EFNA5: variants seen among roughly 807,000 people sequenced by gnomAD.
The protein encoded by EFNA5 is ephrin-A5.
A neutral mutation model predicts 22.9 loss-of-function variants in EFNA5; 5 were observed. The observed-to-expected ratio is 0.22, with a 90% CI of 0.11 to 0.46. The LOEUF is 0.46. Among genes scored for constraint, EFNA5 ranks in the 20% least tolerant of loss-of-function variants. EFNA5 has a pLI of 0.99. For missense variants in EFNA5, 237 were observed against 293.3 expected, an observed-to-expected ratio of 0.81 and a Z score of 1.40; for synonymous variants, 113 against 112.2, an observed-to-expected ratio of 1.01 and a Z score of -0.04.
intron 1 of EFNA5, among the ~76,000 whole-genome samples, chr5:107,435,254 T>C (rs1226168344): frequency 6.6e-6 from 1 of 151,938 alleles, no homozygotes; most frequent in Admixed American, 6.6e-5. Flanking sequence ...CATCCTTCTG[T>C]TATTCCTTTC....
intron 1 of EFNA5, among the ~76,000 whole-genome samples, chr5:107,517,722 T>C (rs556349648): frequency 5.9e-5 from 9 of 152,328 alleles, no homozygotes; most frequent in Non-Finnish European, 1.2e-4. Flanking sequence ...GCAATGTATG[T>C]GATAATGTGT....
Position 107,670,655 on chromosome 5 carries a change from G to A in EFNA5, c.-42C>T, listed in dbSNP as rs1331628866. On this transcript the variant is annotated 5_prime_UTR_variant, in exon 1 of 5. Transcript: ENST00000333274. Reference sequence around the variant, plus strand: ...CGGAGCCCCCGACGCGCCACTCCGGGGAGAGAGCGGGGATCCGGAGGGAGG... The same window carrying A: ...CGGAGCCCCCGACGCGCCACTCCGGAGAGAGAGCGGGGATCCGGAGGGAGG... The A allele has an allele frequency of 6.3e-7, 1 of 1,585,986 alleles. No individual in the cohort carries two copies. The highest frequency in any genetic ancestry group is 2.3e-5 in the East Asian group (1 of 42,780).
At chr5:107,463,396 C>T (rs1480021571) in intron 1 of EFNA5, among the ~76,000 whole-genome samples, 1 of 151,892 alleles carries the variant, frequency 6.6e-6, no homozygotes, top group Admixed American at 6.6e-5. Context: ...TTCTGATTTT[C>T]CTCAATAATA....
chr5:107,384,510 C>A (rs1747558681), intron 4 of EFNA5, among the ~76,000 whole-genome samples: 1 of 152,162 alleles, frequency 6.6e-6, no homozygotes, highest in African/African-American at 2.4e-5. Context: ...TTCAGACTTG[C>A]TGGGTTCATA....
At chr5:107,455,109 C>T (rs1749662423) in intron 1 of EFNA5, among the ~76,000 whole-genome samples, 1 of 152,178 alleles carries the variant, frequency 6.6e-6, no homozygotes, top group Non-Finnish European at 1.5e-5. Flanking sequence ...GATGTCAAAA[C>T]CTAACGTCTT....
intron 2 of EFNA5, among the ~76,000 whole-genome samples, chr5:107,402,860 C>T (rs1317812874): frequency 1.3e-5 from 2 of 152,188 alleles, no homozygotes; most frequent in Non-Finnish European, 2.9e-5. Flanking sequence ...GAAGTCGTAA[C>T]CTTTGTGGGA....
At chr5:107,546,651 A>AACAC (rs767896375) in intron 1 of EFNA5, among the ~76,000 whole-genome samples, 5,380 of 121,230 alleles carry the variant, frequency 0.044, 117 homozygotes, top group Middle Eastern at 0.12. Context: ...TGGTGCGTAA[A>AACAC]ACACACACAC....
chr5:107,669,996 C>A (rs1751153531), intron 1 of EFNA5, among the ~76,000 whole-genome samples: 1 of 147,956 alleles, frequency 6.8e-6, no homozygotes, highest in Non-Finnish European at 1.5e-5. Flanking sequence ...GCTCTCTCTG[C>A]GCGCACCGGG....
intron 1 of EFNA5, among the ~76,000 whole-genome samples, chr5:107,491,306 C>G (rs138652609): frequency 1.4e-3 from 218 of 152,262 alleles, no homozygotes; most frequent in Middle Eastern, 0.01. Flanking sequence ...GACGGCCCCT[C>G]CCTCCCTCCT....
chr5:107,443,749 T>C (rs567307660), intron 1 of EFNA5, among the ~76,000 whole-genome samples: 2 of 152,226 alleles, frequency 1.3e-5, no homozygotes, highest in Admixed American at 6.5e-5. Context: ...TTAGGAAAAG[T>C]ACCTAATGCA....
At chr5:107,460,508 T>C (rs1217078775) in intron 1 of EFNA5, among the ~76,000 whole-genome samples, 2 of 152,208 alleles carry the variant, frequency 1.3e-5, no homozygotes. Context: ...CATATCAGTG[T>C]AGCTGATTTA....
chr5:107,602,527 G>A (rs577336436), intron 1 of EFNA5, among the ~76,000 whole-genome samples: 1 of 152,258 alleles, frequency 6.6e-6, no homozygotes, highest in South Asian at 2.1e-4. Flanking sequence ...CAAAACAAAC[G>A]AACATTCAAG....
chr5:107,441,421 A>G (rs1749254628), intron 1 of EFNA5, among the ~76,000 whole-genome samples: 1 of 152,200 alleles, frequency 6.6e-6, no homozygotes, highest in African/African-American at 2.4e-5. Context: ...ATAGCGTCCT[A>G]TCTGCAGAAA....
At chr5:107,577,272 G>A (rs1029865651) in intron 1 of EFNA5, among the ~76,000 whole-genome samples, 8 of 152,020 alleles carry the variant, frequency 5.3e-5, no homozygotes, top group South Asian at 4.2e-4. Flanking sequence ...GCTTGGGAAC[G>A]TAGCCTGGGA....
intron 1 of EFNA5, among the ~76,000 whole-genome samples, chr5:107,548,632 G>A (rs1471041): frequency 0.034 from 5,251 of 152,262 alleles, 283 homozygotes; most frequent in African/African-American, 0.12. Context: ...TACAGCTGAC[G>A]TGAGCTGTTA....
chr5:107,525,517 C>T (rs894753479), intron 1 of EFNA5, among the ~76,000 whole-genome samples: 2 of 152,048 alleles, frequency 1.3e-5, no homozygotes, highest in Non-Finnish European at 2.9e-5. Context: ...AGAAGTTTTA[C>T]TGATAACATA....
At chr5:107,440,421 T>C (rs748693451) in intron 1 of EFNA5, among the ~76,000 whole-genome samples, 2 of 152,174 alleles carry the variant, frequency 1.3e-5, no homozygotes, top group Non-Finnish European at 2.9e-5. Flanking sequence ...TCAAAGGGAG[T>C]GCACATGATC....
At chr5:107,570,154 T>C (rs1318084772) in intron 1 of EFNA5, among the ~76,000 whole-genome samples, 1 of 152,092 alleles carries the variant, frequency 6.6e-6, no homozygotes, top group Non-Finnish European at 1.5e-5. Context: ...GCAAGACCCA[T>C]AAAGGAAGGG....
chr5:107,599,467 A>C (rs923807921), intron 1 of EFNA5, among the ~76,000 whole-genome samples: 1 of 152,190 alleles, frequency 6.6e-6, no homozygotes, highest in African/African-American at 2.4e-5. Context: ...AAGTGGCTTC[A>C]TATATGGGGC....
Sources: allele counts gnomAD v4.1 joint callset (sites outside exome capture counted in the v4.1 genomes callset), GRCh38; gene constraint gnomAD v4.1.1; transcripts MANE v1.5; gene names NCBI Gene and HGNC (gene_info 2026-07-23, HGNC 2026-07-21).